RECK: variants seen among roughly 807,000 people sequenced by gnomAD.
The protein encoded by RECK is reversion-inducing cysteine-rich protein with Kazal motifs.
RECK carries 69 observed loss-of-function variants against 115.1 expected under a neutral mutation model. The ratio of observed to expected loss-of-function variants is 0.60; its 90% CI spans 0.49 to 0.73. The LOEUF (loss-of-function observed/expected upper bound fraction) is 0.73. Ranked by LOEUF, RECK falls within the 30% of genes least tolerant of loss-of-function variation. RECK has a pLI of 0.00. For missense variants in RECK, 1,047 were observed against 1,203.7 expected (o/e 0.87, Z 1.93); for synonymous variants, 414 against 419.7 (o/e 0.99, Z 0.17).
At chr9:36,074,073 A>C (rs942686285) in intron 6 of RECK, among the ~76,000 whole-genome samples, 1 of 152,190 alleles carries the variant, frequency 6.6e-6, no homozygotes, top group African/African-American at 2.4e-5. Flanking sequence ...CATTACCTCT[A>C]TTGAACTAGA....
Position 36,052,671 on chromosome 9 carries a change from T to A in RECK, c.159+348T>A, listed in dbSNP as rs1025311519. The stretch of plus-strand genomic sequence containing the variant: ...TTGCATAATTTGAATTATGAAGAAG[T>A]AGTCGGGCAAACCCAGTTTGAGGAA... On this transcript the variant is annotated intron_variant, in intron 2 of 20. Transcript: ENST00000377966. Among the ~76,000 whole-genome samples the A allele has an allele frequency of 2.2e-4, 33 of 152,118 alleles. 1 individual carries two copies. The highest frequency in any genetic ancestry group is 1.4e-3 in the South Asian group (7 of 4,830).
chr9:36,050,245 G>A (rs1437193867), intron 1 of RECK, among the ~76,000 whole-genome samples: 1 of 152,046 alleles, frequency 6.6e-6, no homozygotes, highest in African/African-American at 2.4e-5. Context: ...CTGAATTTCT[G>A]ATCATCTCTC....
intron 5 of RECK, 62 bp from the exon 6 acceptor site, chr9:36,065,515 C>A: frequency 7.8e-7 from 1 of 1,286,338 alleles, no homozygotes; most frequent in Non-Finnish European, 1.1e-6. Context: ...AATTTATGTT[C>A]TTTTTGCCCT....
intron 13 of RECK, among the ~76,000 whole-genome samples, chr9:36,105,550 G>T (rs747156588): frequency 6.6e-6 from 1 of 152,130 alleles, no homozygotes; most frequent in Non-Finnish European, 1.5e-5. Flanking sequence ...AATAATAACA[G>T]TCTAAAACTT....
chr9:36,078,244 T>C (rs977585608), intron 6 of RECK, among the ~76,000 whole-genome samples: 7 of 152,258 alleles, frequency 4.6e-5, no homozygotes, highest in African/African-American at 7.2e-5. Flanking sequence ...CTCTGACTTC[T>C]ATTAAATAAG....
At chr9:36,104,292 G>GTGTATATATATATATATATA (rs34438663) in intron 12 of RECK, among the ~76,000 whole-genome samples, 1 of 43,882 alleles carries the variant, frequency 2.3e-5, no homozygotes, top group African/African-American at 9.0e-5. Context: ...GTGTGTGTGT[G>GTGTATATATATATATATATA]TATATATATA....
At chr9:36,041,685 C>T (rs139578331) in intron 1 of RECK, among the ~76,000 whole-genome samples, 2 of 151,980 alleles carry the variant, frequency 1.3e-5, no homozygotes, top group East Asian at 1.9e-4. Context: ...TTAGACTTCC[C>T]GTGTGTTCTT....
chr9:36,111,753 CAAACATCTAAATTCT>C (rs991771003), intron 15 of RECK, among the ~76,000 whole-genome samples: 3 of 152,102 alleles, frequency 2.0e-5, no homozygotes, highest in Admixed American at 6.6e-5. Flanking sequence ...CACCAGACTT[CAAACATCTAAATTCT>C]AGATTTTATA....
At chr9:36,063,266 G>A (rs1223593535) in intron 4 of RECK, among the ~76,000 whole-genome samples, 1 of 152,128 alleles carries the variant, frequency 6.6e-6, no homozygotes, top group Non-Finnish European at 1.5e-5. Flanking sequence ...GATTAAATGT[G>A]CCCATCAAAG....
chr9:36,120,940 C>G (rs549336802), intron 19 of RECK, among the ~76,000 whole-genome samples: 59 of 152,342 alleles, frequency 3.9e-4, no homozygotes, highest in African/African-American at 7.9e-4. Context: ...GTTCCTCCCC[C>G]CTACACCCTG....
intron 6 of RECK, among the ~76,000 whole-genome samples, chr9:36,079,919 T>C (rs1477589654): frequency 1.3e-5 from 2 of 152,214 alleles, no homozygotes; most frequent in Non-Finnish European, 2.9e-5. Context: ...CTAAGCACTC[T>C]AGAGACACTA....
intron 6 of RECK, among the ~76,000 whole-genome samples, chr9:36,078,792 A>C (rs1822557834): frequency 6.6e-6 from 1 of 152,232 alleles, no homozygotes; most frequent in Non-Finnish European, 1.5e-5. Context: ...GAAGGAAAAG[A>C]GCAATGAGAA....
intron 6 of RECK, among the ~76,000 whole-genome samples, chr9:36,075,538 A>C (rs928542491): frequency 6.6e-6 from 1 of 152,214 alleles, no homozygotes; most frequent in South Asian, 2.1e-4. Flanking sequence ...TACATATTCT[A>C]GTCATCTATA....
chr9:36,111,962 A>G (rs1824063251), intron 15 of RECK, among the ~76,000 whole-genome samples: 1 of 151,474 alleles, frequency 6.6e-6, no homozygotes, highest in Non-Finnish European at 1.5e-5. Context: ...AGAATACAAA[A>G]AAAAAAAAAA....
At chr9:36,098,517 C>T (rs2132647846) in intron 10 of RECK, among the ~76,000 whole-genome samples, 1 of 152,322 alleles carries the variant, frequency 6.6e-6, no homozygotes, top group Admixed American at 6.5e-5. Context: ...TAGTATGTTA[C>T]TACTGGGAGT....
At chr9:36,042,614 A>G (rs1272785212) in intron 1 of RECK, among the ~76,000 whole-genome samples, 1 of 152,020 alleles carries the variant, frequency 6.6e-6, no homozygotes, top group African/African-American at 2.4e-5. Flanking sequence ...ATATTTTTGC[A>G]GTTGCTAATT....
Position 36,118,624 on chromosome 9 carries a change from A to G in RECK, c.2254-133A>G, listed in dbSNP as rs1824350990. The G allele has an allele frequency of 7.5e-6, 6 of 803,582 alleles. No homozygotes were observed. The South Asian group carries it at 1.1e-4, about 14-fold the overall frequency. 49.8% of individuals were successfully genotyped at this position (803,582 alleles called of 1,614,324 possible). A position where few individuals can be genotyped will look rare whatever the true frequency, so the allele number is the denominator to read the frequency against. On this transcript the variant is annotated intron_variant, in intron 17 of 20. Transcript: ENST00000377966. ...CCCCAGCATTTAGCCCACCTCAGGA[A>G]CTTAAGAGGTCCTCATAATTTATAC... is the stretch of plus-strand genomic sequence containing the variant.
chr9:36,122,984 A>C lies in RECK; in HGVS notation c.2855A>C (p.His952Pro), dbSNP rs761415230. Residue 952 changes from histidine to proline, a missense_variant, in exon 21 of 21, where the codon CAC becomes CCC. Physicochemically the swap from His to Pro is moderately conservative, Grantham distance 77. Coordinates refer to ENST00000377966, the MANE Select transcript of RECK (RefSeq NM_021111.3). ...GGTGTCAGGGCCAGGCCTTCTTGCC[A>C]CTCCCTCCTCCTTCCCCTCAGCTTG... ...SAGVRARPSC[H>P]SLLLPLSLGL... is the part of the protein sequence containing the mutation. The C allele has an allele frequency of 7.4e-6, 12 of 1,612,802 alleles. No homozygotes were observed. The East Asian group carries it at 2.7e-4, about 36-fold the overall frequency.
chr9:36,078,060 A>C (rs550217786), intron 6 of RECK, among the ~76,000 whole-genome samples: 2 of 152,364 alleles, frequency 1.3e-5, no homozygotes, highest in East Asian at 3.9e-4. Context: ...TAAATGAAAA[A>C]AATAATTAAA....
Sources: gnomAD v4.1 joint callset for allele counts (sites outside exome capture counted in the v4.1 genomes callset) on GRCh38, gnomAD v4.1.1 for gene constraint, MANE v1.5 for transcripts, NCBI Gene and HGNC (gene_info 2026-07-23, HGNC 2026-07-21) for gene names.